LMLN: variants seen among roughly 807,000 people sequenced by gnomAD.
The protein encoded by LMLN is leishmanolysin like peptidase.
A neutral mutation model predicts 92.3 loss-of-function variants in LMLN; 70 were observed. The observed-to-expected ratio is 0.76, with a 90% CI of 0.63 to 0.92. The LOEUF is 0.92. Ranked by LOEUF, LMLN falls within the 40% of genes least tolerant of loss-of-function variation. The pLI is 0.00. For missense variants in LMLN, 691 were observed against 814.6 expected (o/e 0.85, Z 1.85); for synonymous variants, 308 against 296.2 (o/e 1.04, Z -0.41).
chr3:198,026,605 G>A (rs559130560), intron 14 of LMLN, among the ~76,000 whole-genome samples: 5 of 152,320 alleles, frequency 3.3e-5, no homozygotes, highest in South Asian at 2.1e-4. Context: ...AGTCCTGGCC[G>A]AATATTTCTT....
intron 8 of LMLN, among the ~76,000 whole-genome samples, chr3:197,987,261 G>A (rs1172243701): frequency 1.3e-4 from 19 of 150,202 alleles, no homozygotes; most frequent in African/African-American, 4.2e-4. Flanking sequence ...CTGGGTTCAC[G>A]CCATTCTTCT....
chr3:198,041,557 C>T (rs1170769589), exon 16 of LMLN: 1 of 152,162 alleles, frequency 6.6e-6, no homozygotes, highest in Non-Finnish European at 1.5e-5. Flanking sequence ...AAAAAAAAGT[C>T]TGAAATCTGA....
chr3:198,032,771 C>T (rs1268259400), intron 14 of LMLN, among the ~76,000 whole-genome samples: 1 of 152,146 alleles, frequency 6.6e-6, no homozygotes, highest in African/African-American at 2.4e-5. Flanking sequence ...CTCACTAGGC[C>T]CCACATCCAA....
chr3:198,014,229 G>A (rs528419961), intron 11 of LMLN, among the ~76,000 whole-genome samples: 3 of 147,480 alleles, frequency 2.0e-5, no homozygotes, highest in East Asian at 2.0e-4. Flanking sequence ...TAACTAGTCT[G>A]ACTTCTCTGT....
intron 1 of LMLN, among the ~76,000 whole-genome samples, chr3:197,961,726 A>C (rs1448057600): frequency 6.6e-6 from 1 of 152,176 alleles, no homozygotes; most frequent in Non-Finnish European, 1.5e-5. Context: ...GCTAATGACT[A>C]TACCTCTGTT....
intron 11 of LMLN, among the ~76,000 whole-genome samples, chr3:198,007,281 T>G (rs11924117): frequency 0.013 from 2,002 of 152,344 alleles, 47 homozygotes; most frequent in African/African-American, 0.045. Context: ...GAAAGTTTTC[T>G]TATGTTTTTT....
intron 11 of LMLN, among the ~76,000 whole-genome samples, chr3:198,018,326 G>A (rs1423303923): frequency 1.3e-5 from 2 of 152,178 alleles, no homozygotes; most frequent in African/African-American, 4.8e-5. Context: ...TACGAAAATG[G>A]TATAAACAGC....
chr3:197,978,233 T>C (rs1030014571), intron 5 of LMLN, among the ~76,000 whole-genome samples: 1 of 152,252 alleles, frequency 6.6e-6, no homozygotes, highest in Admixed American at 6.5e-5. Context: ...AAAATGTTAA[T>C]CATTTCTTTA....
At chr3:197,961,653 A>G (rs73894234) in intron 1 of LMLN, among the ~76,000 whole-genome samples, 233 of 152,224 alleles carry the variant, frequency 1.5e-3, no homozygotes, top group African/African-American at 5.1e-3. Context: ...CGTCCTCACT[A>G]TTCTCCTTGT....
chr3:197,974,423 ATGT>A, exon 2 of LMLN: 1 of 1,597,410 alleles, frequency 6.3e-7, no homozygotes, highest in African/African-American at 1.3e-5. Context: ...GTCAAGAGAG[ATGT>A]TGATGAGCAT....
chr3:198,041,886 C>T (rs1723414534), exon 16 of LMLN: 1 of 152,102 alleles, frequency 6.6e-6, no homozygotes, highest in Non-Finnish European at 1.5e-5. Context: ...TGTTTCTGAG[C>T]ATGGTGCTTT....
chr3:197,976,676 A>G (rs747975344), exon 5 of LMLN: 3 of 1,587,324 alleles, frequency 1.9e-6, no homozygotes, highest in African/African-American at 1.3e-5. Context: ...CCGCACACAC[A>G]AAGTGCGGCC....
chr3:197,980,560 A>G, intron 6 of LMLN, 56 bp downstream of exon 6: 2 of 1,511,414 alleles, frequency 1.3e-6, no homozygotes, highest in Non-Finnish European at 1.8e-6. Context: ...CTCTTAAAGC[A>G]AACTGTATTT....
At chr3:197,974,406 T>C (rs1721311050) in exon 2 of LMLN, 2 of 1,597,214 alleles carry the variant, frequency 1.3e-6, no homozygotes, top group Non-Finnish European at 1.7e-6. Context: ...TTAAGGCAAA[T>C]CATGTGGTCA....
chr3:198,038,454 G>T, intron 15 of LMLN, 113 bp from the exon 17 acceptor site: 1 of 778,760 alleles, frequency 1.3e-6, no homozygotes, highest in Non-Finnish European at 2.2e-6. Context: ...TAGCTCTCAA[G>T]GTGGTCCTTG....
At chr3:197,989,161 G>A (rs543305554) in intron 8 of LMLN, among the ~76,000 whole-genome samples, 8 of 152,236 alleles carry the variant, frequency 5.3e-5, no homozygotes, top group South Asian at 4.1e-4. Context: ...GTGGGCTGTC[G>A]GTTTTCAAGG....
intron 1 of LMLN, among the ~76,000 whole-genome samples, chr3:197,960,980 C>T (rs188687634): frequency 6.6e-6 from 1 of 152,268 alleles, no homozygotes; most frequent in Non-Finnish European, 1.5e-5. Flanking sequence ...ACTTTGTTTG[C>T]TTTACCCGGT....
intron 6 of LMLN, among the ~76,000 whole-genome samples, chr3:197,982,449 C>A (rs1721587089): frequency 6.6e-6 from 1 of 152,158 alleles, no homozygotes; most frequent in African/African-American, 2.4e-5. Flanking sequence ...TGGTCTTGAA[C>A]TCCTGACCTC....
exon 16 of LMLN, chr3:198,038,866 AG>A (rs1723310229): frequency 2.1e-6 from 1 of 478,084 alleles, no homozygotes; most frequent in Non-Finnish European, 3.8e-6. Context: ...CACCTTCATC[AG>A]CAACCCAACC....
Sources: allele counts gnomAD v4.1 joint callset (sites outside exome capture counted in the v4.1 genomes callset), GRCh38; gene constraint gnomAD v4.1.1; transcripts MANE v1.5; gene names NCBI Gene and HGNC (gene_info 2026-07-23, HGNC 2026-07-21).